Variants in HNMT observed in about 807,000 individuals in gnomAD.
HNMT encodes the protein histamine N-methyltransferase.
HNMT carries 30 observed loss-of-function variants against 32.1 expected under a neutral mutation model. The observed-to-expected ratio is 0.93, with a 90% CI of 0.70 to 1.27. The LOEUF is 1.27. Ranked by LOEUF, HNMT falls within the 50% of genes most tolerant of loss-of-function variation. HNMT has a pLI of 0.00. For missense variants in HNMT, 327 were observed against 346.0 expected (o/e 0.95, Z 0.43); for synonymous variants, 125 against 119.0 (o/e 1.05, Z -0.33).
chr2:137,967,197 G>A, intron 1 of HNMT: 1 of 736,304 alleles, frequency 1.4e-6, no homozygotes, highest in Admixed American at 1.9e-5. Flanking sequence ...GATTACTTGA[G>A]CCTAGGAGTT....
intron 2 of HNMT, chr2:137,988,582 A>G (rs1361428479): frequency 6.6e-6 from 1 of 152,096 alleles, no homozygotes; most frequent in Non-Finnish European, 1.5e-5. Context: ...GATTATATAC[A>G]TCTTTTTGTT....
At chr2:137,979,134 T>C (rs1680402413) in intron 2 of HNMT, among the ~76,000 whole-genome samples, 1 of 146,914 alleles carries the variant, frequency 6.8e-6, no homozygotes, top group African/African-American at 2.5e-5. Context: ...ATATATAAAG[T>C]ATAATTTATG....
At chr2:137,968,752 A>G (rs1680033922) in intron 1 of HNMT, among the ~76,000 whole-genome samples, 1 of 152,158 alleles carries the variant, frequency 6.6e-6, no homozygotes, top group African/African-American at 2.4e-5. Flanking sequence ...CAAATCATTT[A>G]TAGGTGTTCT....
chr2:137,989,119 C>T (rs916156822), intron 2 of HNMT, among the ~76,000 whole-genome samples: 1 of 152,074 alleles, frequency 6.6e-6, no homozygotes, highest in Non-Finnish European at 1.5e-5. Flanking sequence ...TTAGGGTTTC[C>T]TTTTGGTGTT....
intron 2 of HNMT, chr2:137,981,421 A>T (rs1231013867): frequency 6.6e-7 from 1 of 1,525,384 alleles, no homozygotes; most frequent in Admixed American, 1.7e-5. Flanking sequence ...CATCTTTTCC[A>T]TGAAGCCTAC....
At chr2:137,989,338 T>C (rs1311316118) in intron 2 of HNMT, among the ~76,000 whole-genome samples, 1 of 152,230 alleles carries the variant, frequency 6.6e-6, no homozygotes, top group African/African-American at 2.4e-5. Context: ...ATGTAACCTT[T>C]TCATATTGGC....
intron 2 of HNMT, among the ~76,000 whole-genome samples, chr2:137,976,281 A>AC (rs1491304091): frequency 0.042 from 339 of 8,054 alleles, 7 homozygotes; most frequent in Middle Eastern, 0.17. Flanking sequence ...AACAAAAAAC[A>AC]AAAAAAAAAA....
chr2:137,972,136 G>T (rs142024203), intron 2 of HNMT, among the ~76,000 whole-genome samples: 2 of 151,928 alleles, frequency 1.3e-5, no homozygotes, highest in South Asian at 2.1e-4. Flanking sequence ...ATGGAGTCTC[G>T]CTCTGTTGCC....
intron 2 of HNMT, among the ~76,000 whole-genome samples, chr2:137,991,073 A>G (rs1048861905): frequency 2.0e-5 from 3 of 152,168 alleles, no homozygotes; most frequent in African/African-American, 7.2e-5. Context: ...ACTCAGGGAA[A>G]CTGGCTTAAT....
chr2:137,977,931 C>T (rs939712014), intron 2 of HNMT, among the ~76,000 whole-genome samples: 3 of 152,052 alleles, frequency 2.0e-5, no homozygotes, highest in Non-Finnish European at 2.9e-5. Flanking sequence ...TCCCCACCCC[C>T]CATCTCCAGG....
intron 2 of HNMT, among the ~76,000 whole-genome samples, chr2:137,991,062 A>G (rs1680802170): frequency 6.6e-6 from 1 of 152,196 alleles, no homozygotes. Flanking sequence ...TGGTTCACAG[A>G]ACTCAGGGAA....
chr2:137,976,054 G>A (rs1680277034), intron 2 of HNMT, among the ~76,000 whole-genome samples: 1 of 152,020 alleles, frequency 6.6e-6, no homozygotes, highest in South Asian at 2.1e-4. Context: ...ATCACCTGAG[G>A]TCAGGAGTTT....
intron 1 of HNMT, among the ~76,000 whole-genome samples, chr2:137,966,163 G>A (rs1324332907): frequency 6.6e-6 from 1 of 152,180 alleles, no homozygotes; most frequent in African/African-American, 2.4e-5. Flanking sequence ...GGCAGGGTTT[G>A]TTGAGTTTGT....
chr2:138,013,734 G>T, intron 5 of HNMT, 41 bp from the exon 6 acceptor site: 1 of 1,503,766 alleles, frequency 6.6e-7, no homozygotes, highest in East Asian at 2.4e-5. Flanking sequence ...GCAAATGAAA[G>T]AAAGAATAAA....
rs1681145886 is a variant in HNMT, at chr2:138,000,832, G to A, written c.191-86G>A. On this transcript the variant is annotated intron_variant, in intron 2 of 5. Coordinates refer to ENST00000280097, the MANE Select transcript of HNMT (RefSeq NM_006895.3). ...TTTATGTTAGGCTTTCCTAGTAAAGGTAGGGCAGATAATAAATCAGCTAAA... is the reference window on the plus strand; with the variant it reads ...TTTATGTTAGGCTTTCCTAGTAAAGATAGGGCAGATAATAAATCAGCTAAA... The A allele has an allele frequency of 4.5e-5, 30 of 673,080 alleles. No individual in the cohort carries two copies. In the South Asian group the frequency reaches 6.3e-4, roughly 14 times the overall value. 41.7% of individuals were successfully genotyped at this position (673,080 alleles called of 1,614,324 possible).
chr2:137,978,612 T>C (rs1300770294), intron 2 of HNMT, among the ~76,000 whole-genome samples: 3 of 139,386 alleles, frequency 2.2e-5, no homozygotes, highest in African/African-American at 7.8e-5. Flanking sequence ...TGATATAATA[T>C]AGTATTATAC....
intron 2 of HNMT, among the ~76,000 whole-genome samples, chr2:137,996,802 T>C (rs1011220688): frequency 6.6e-6 from 1 of 152,142 alleles, no homozygotes; most frequent in African/African-American, 2.4e-5. Flanking sequence ...CAAAACAGCA[T>C]GGTACTGGTA....
intron 2 of HNMT, among the ~76,000 whole-genome samples, chr2:137,987,110 C>G (rs574510410): frequency 4.0e-4 from 61 of 152,138 alleles, no homozygotes; most frequent in Admixed American, 1.2e-3. Flanking sequence ...GCCTTTGTTT[C>G]TTTAGGGAGA....
In HNMT at chr2:138,005,156, C is replaced by T. The variant is rs762749102; in HGVS notation, c.454C>T (p.Pro152Ser). ...IQMLYYVKDI[P>S]ATLKFFHSLL... The stretch of plus-strand genomic sequence containing the variant: ...GATGCTGTATTATGTAAAAGACATC[C>T]CAGCTACCCTGAAATTCTTCCATAG... Residue 152 changes from proline (P) to serine (S), a missense_variant, in exon 5 of 6, where the codon CCA becomes TCA. Physicochemically the swap from Pro to Ser is moderately conservative, Grantham distance 74. Transcript: ENST00000280097. 42 of 1,595,282 alleles carry T rather than the reference C, an allele frequency of 2.6e-5. No individual in the cohort carries two copies. In the South Asian group the frequency reaches 4.1e-4, roughly 16 times the overall value.
Sources: gnomAD v4.1 joint callset for allele counts (sites outside exome capture counted in the v4.1 genomes callset) on GRCh38, gnomAD v4.1.1 for gene constraint, MANE v1.5 for transcripts, NCBI Gene and HGNC (gene_info 2026-07-23, HGNC 2026-07-21) for gene names.